Variants in DUSP22 observed in about 807,000 individuals in gnomAD.
DUSP22 encodes dual specificity phosphatase 22.
Under a neutral mutation model 24.5 loss-of-function variants are expected in DUSP22, and 24 were observed. The ratio of observed to expected loss-of-function variants is 0.98; its 90% confidence interval spans 0.71 to 1.38. DUSP22 has a LOEUF of 1.38. Among genes scored for constraint, DUSP22 ranks in the 40% most tolerant of loss-of-function variants. The probability of loss-of-function intolerance (pLI) is 0.00; values close to 1 mark genes in which losing one functional copy is unlikely to be tolerated. For missense variants in DUSP22, 330 were observed against 269.2 expected, an observed-to-expected ratio of 1.23 and a Z score of -1.58; for synonymous variants, 160 against 106.4, an observed-to-expected ratio of 1.50 and a Z score of -3.10.
At chr6:334,952 TTTAA>T (rs1449806604) in intron 3 of DUSP22, among the ~76,000 whole-genome samples, 158 bp from the exon 4 acceptor site, 1 of 152,310 alleles carries the variant, frequency 6.6e-6, no homozygotes, top group Non-Finnish European at 1.5e-5. Flanking sequence ...AACCAGGAAC[TTTAA>T]TTAGTTTTTC....
chr6:331,768 T>C (rs930528560), intron 3 of DUSP22, among the ~76,000 whole-genome samples: 6 of 152,308 alleles, frequency 3.9e-5, no homozygotes. Flanking sequence ...GAGAGACTTT[T>C]CATGCTTTGT....
chr6:314,002 G>A lies in DUSP22; in HGVS notation c.138+2040G>A, dbSNP rs148182316. 8.3e-3 allele frequency among the ~76,000 whole-genome samples: 1,259 copies of A among 151,954 alleles called. No homozygotes were observed. In the East Asian group the frequency reaches 0.11, roughly 14 times the overall value. The stretch of plus-strand genomic sequence containing the variant: ...CCAGATCCATAAGCTGTGTCCTCAC[G>A]CAGCCTGAGATGAGTCAGGGAAATG... On this transcript the variant is annotated intron_variant, in intron 3 of 6. Coordinates refer to ENST00000419235, the MANE Select transcript of DUSP22 (RefSeq NM_001286555.3).
At chr6:348,013 G>A in intron 5 of DUSP22, 90 bp from the exon 6 acceptor site, 3 of 1,555,322 alleles carry the variant, frequency 1.9e-6, no homozygotes, top group East Asian at 2.2e-5. Flanking sequence ...TCTGAACAAG[G>A]TCCTTAGAGT....
intron 2 of DUSP22, among the ~76,000 whole-genome samples, chr6:304,923 C>A (rs1581148807): frequency 6.6e-6 from 1 of 152,296 alleles, no homozygotes; most frequent in Non-Finnish European, 1.5e-5. Flanking sequence ...ACTATCGGAG[C>A]CTCCTCTTAG....
chr6:324,512 C>T (rs914433910), intron 3 of DUSP22, among the ~76,000 whole-genome samples: 1 of 152,302 alleles, frequency 6.6e-6, no homozygotes, highest in African/African-American at 2.4e-5. Context: ...AACAGAAGAG[C>T]CGCTGTTCTC....
chr6:304,204 C>T (rs72838732), intron 1 of DUSP22, among the ~76,000 whole-genome samples: 3,618 of 151,032 alleles, frequency 0.024, 2 homozygotes, highest in East Asian at 0.11. Context: ...CAACCCTGGA[C>T]TTGGGGCTCA....
intron 2 of DUSP22, 83 bp from the exon 3 acceptor site, chr6:311,797 G>GTT (rs74274493): frequency 5.4e-3 from 6,141 of 1,138,948 alleles, no homozygotes; most frequent in South Asian, 0.012. Flanking sequence ...CATTTTGTGG[G>GTT]TTTTTTTTTT....
chr6:347,896 G>C (rs1018848951), intron 5 of DUSP22, among the ~76,000 whole-genome samples: 1 of 152,298 alleles, frequency 6.6e-6, no homozygotes, highest in African/African-American at 2.4e-5. Context: ...GCAGAAGAAA[G>C]CATGCGATTC....
intron 4 of DUSP22, among the ~76,000 whole-genome samples, chr6:335,395 G>C (rs565309491): frequency 1.3e-5 from 2 of 152,414 alleles, no homozygotes; most frequent in South Asian, 4.1e-4. Flanking sequence ...GAGACTCATG[G>C]GCTGTCCACA....
At chr6:329,508 A>T (rs1310943166) in intron 3 of DUSP22, among the ~76,000 whole-genome samples, 1 of 152,304 alleles carries the variant, frequency 6.6e-6, no homozygotes, top group Non-Finnish European at 1.5e-5. Context: ...ACTGGAGTGC[A>T]GTGGTGTGAT....
At chr6:299,279 C>T (rs1315421356) in intron 1 of DUSP22, among the ~76,000 whole-genome samples, 3 of 152,308 alleles carry the variant, frequency 2.0e-5, no homozygotes, top group Non-Finnish European at 4.4e-5. Context: ...CAGATAAACA[C>T]CTTGTGGTTC....
Position 350,420 on chromosome 6 carries a change from C to T in DUSP22, c.*1469C>T. On this transcript the variant is annotated 3_prime_UTR_variant, in exon 7 of 7. Coordinates refer to ENST00000419235, the MANE Select transcript of DUSP22 (RefSeq NM_001286555.3). ...ATGAAAAAACATACTCGACCTCTCCCTAAAAAGATGTTGCAACCCAGTTTC... is the reference window on the plus strand; with the variant it reads ...ATGAAAAAACATACTCGACCTCTCCTTAAAAAGATGTTGCAACCCAGTTTC... The T allele has an allele frequency of 8.9e-7, 1 of 1,117,538 alleles. No homozygotes were observed. The highest frequency in any genetic ancestry group is 2.4e-5 in the South Asian group (1 of 42,548). 69.2% of individuals were successfully genotyped at this position (1,117,538 alleles called of 1,614,324 possible). A position where few individuals can be genotyped will look rare whatever the true frequency, so the allele number is the denominator to read the frequency against.
At chr6:320,978 G>A (rs540402600) in intron 3 of DUSP22, among the ~76,000 whole-genome samples, 82 of 152,392 alleles carry the variant, frequency 5.4e-4, no homozygotes, top group East Asian at 5.0e-3. Flanking sequence ...ATTGACAGGC[G>A]TGTAAATCCT....
intron 4 of DUSP22, among the ~76,000 whole-genome samples, chr6:336,279 A>G (rs560580769): frequency 2.0e-5 from 3 of 152,420 alleles, no homozygotes; most frequent in Non-Finnish European, 2.9e-5. Context: ...ACTGTGTGTT[A>G]CTGCATGTCA....
At chr6:315,860 C>T (rs1378721388) in intron 3 of DUSP22, among the ~76,000 whole-genome samples, 2 of 152,306 alleles carry the variant, frequency 1.3e-5, no homozygotes, top group African/African-American at 4.8e-5. Flanking sequence ...CCTGGCAGAG[C>T]CTTTGGTGTA....
intron 1 of DUSP22, among the ~76,000 whole-genome samples, chr6:301,044 C>T (rs1351872088): frequency 6.6e-6 from 1 of 152,308 alleles, no homozygotes; most frequent in Non-Finnish European, 1.5e-5. Flanking sequence ...GGCGTGCAGA[C>T]TTGTTACACG....
At chr6:317,755 C>T (rs1413957464) in intron 3 of DUSP22, among the ~76,000 whole-genome samples, 1 of 152,310 alleles carries the variant, frequency 6.6e-6, no homozygotes, top group African/African-American at 2.4e-5. Flanking sequence ...CTGGTCCTTG[C>T]AGCACTCGGC....
intron 3 of DUSP22, among the ~76,000 whole-genome samples, chr6:323,607 C>T (rs555872389): frequency 1.7e-4 from 26 of 152,402 alleles, no homozygotes; most frequent in Admixed American, 3.3e-4. Flanking sequence ...AAGGAGAGGA[C>T]GCGGGGAAGT....
chr6:294,787 TGA>T (rs1436980694), intron 1 of DUSP22, among the ~76,000 whole-genome samples: 1 of 152,264 alleles, frequency 6.6e-6, no homozygotes, highest in Non-Finnish European at 1.5e-5. Context: ...TGTGTGGGGG[TGA>T]GAGAGAGAAC....
Sources: allele counts gnomAD v4.1 joint callset (sites outside exome capture counted in the v4.1 genomes callset), GRCh38; gene constraint gnomAD v4.1.1; transcripts MANE v1.5; gene names NCBI Gene and HGNC (gene_info 2026-07-23, HGNC 2026-07-21).